ADAMTSL1: variants seen among roughly 807,000 people sequenced by gnomAD.
The protein encoded by ADAMTSL1 is ADAMTS like 1.
Under a neutral mutation model 201.8 loss-of-function variants are expected in ADAMTSL1, and 126 were observed. The ratio of observed to expected loss-of-function variants is 0.62; its 90% CI spans 0.54 to 0.72. ADAMTSL1 has a LOEUF of 0.72. ADAMTSL1 is among the 30% of genes least tolerant of loss of function. The probability of loss-of-function intolerance (pLI) is 0.00; values close to 1 mark genes in which losing one functional copy is unlikely to be tolerated. For synonymous variants in ADAMTSL1, 1,121 were observed against 903.4 expected, an observed-to-expected ratio of 1.24 and a Z score of -4.32; for missense variants, 2,679 against 2,277.8, an observed-to-expected ratio of 1.18 and a Z score of -3.59.
intron 2 of ADAMTSL1, among the ~76,000 whole-genome samples, chr9:18,301,540 T>G (rs1189154785): frequency 6.6e-6 from 1 of 152,186 alleles, no homozygotes; most frequent in South Asian, 2.1e-4. Flanking sequence ...ACAACAATAA[T>G]TAATGAAATA....
intron 2 of ADAMTSL1, among the ~76,000 whole-genome samples, chr9:18,433,730 C>G (rs1248405888): frequency 6.6e-6 from 1 of 152,160 alleles, no homozygotes; most frequent in Non-Finnish European, 1.5e-5. Context: ...TAACTACTGG[C>G]TGCAATCTAA....
chr9:18,596,814 A>G (rs910678496), intron 4 of ADAMTSL1, among the ~76,000 whole-genome samples: 2 of 152,240 alleles, frequency 1.3e-5, no homozygotes, highest in Admixed American at 1.3e-4. Context: ...ATGGGAACAT[A>G]CAGAAGAAGT....
intron 13 of ADAMTSL1, among the ~76,000 whole-genome samples, chr9:18,699,262 T>A (rs1481018967): frequency 6.6e-6 from 1 of 152,124 alleles, no homozygotes; most frequent in Non-Finnish European, 1.5e-5. Flanking sequence ...AAAGTCTGTT[T>A]GTTACTTGGA....
At chr9:18,804,247 A>ATGGCAAAGAAGTAGTACAGCTTTTG (rs1343236861) in intron 20 of ADAMTSL1, among the ~76,000 whole-genome samples, 1 of 152,200 alleles carries the variant, frequency 6.6e-6, no homozygotes, top group Non-Finnish European at 1.5e-5. Context: ...GGAAGACTAG[A>ATGGCAAAGAAGTAGTACAGCTTTTG]TGGCAAAGAA....
chr9:18,634,830 T>G (rs1256583869), intron 5 of ADAMTSL1, among the ~76,000 whole-genome samples: 3 of 143,228 alleles, frequency 2.1e-5, no homozygotes, highest in Non-Finnish European at 3.0e-5. Flanking sequence ...CAGAGCGAGA[T>G]TCCTCAAAAA....
At chr9:18,687,504 C>T (rs1830908189) in intron 13 of ADAMTSL1, among the ~76,000 whole-genome samples, 1 of 152,192 alleles carries the variant, frequency 6.6e-6, no homozygotes, top group African/African-American at 2.4e-5. Context: ...TGGTCCACAA[C>T]TATTATCTCT....
chr9:18,793,185 C>T (rs533243117), intron 19 of ADAMTSL1: 1 of 152,352 alleles, frequency 6.6e-6, no homozygotes. Flanking sequence ...CCCCATTTTA[C>T]TAGAGCTGCC....
intron 1 of ADAMTSL1, among the ~76,000 whole-genome samples, chr9:18,021,519 A>G (rs915579184): frequency 6.6e-6 from 1 of 152,148 alleles, no homozygotes; most frequent in Non-Finnish European, 1.5e-5. Context: ...TGAAACATCT[A>G]TCCTTAAATC....
intron 2 of ADAMTSL1, among the ~76,000 whole-genome samples, chr9:18,419,143 A>G (rs1164831463): frequency 6.6e-6 from 1 of 152,214 alleles, no homozygotes; most frequent in African/African-American, 2.4e-5. Context: ...ACATGCAAAA[A>G]CAAATAAAGC....
intron 1 of ADAMTSL1, among the ~76,000 whole-genome samples, chr9:18,130,857 A>C (rs1290948522): frequency 6.6e-6 from 1 of 152,140 alleles, no homozygotes; most frequent in African/African-American, 2.4e-5. Context: ...AGGGCAGTCC[A>C]CCAGTGGTTT....
intron 4 of ADAMTSL1, among the ~76,000 whole-genome samples, chr9:18,621,070 G>A (rs961426122): frequency 5.9e-5 from 9 of 152,124 alleles, no homozygotes; most frequent in Admixed American, 5.2e-4. Flanking sequence ...GAACTGTGAG[G>A]ACTTTATGAA....
chr9:18,559,460 T>C (rs1421722942), intron 3 of ADAMTSL1, among the ~76,000 whole-genome samples: 1 of 152,220 alleles, frequency 6.6e-6, no homozygotes, highest in African/African-American at 2.4e-5. Flanking sequence ...AGCTTTGTTC[T>C]TTTTGCTTAG....
chr9:18,714,492 C>A (rs886077977), intron 14 of ADAMTSL1, among the ~76,000 whole-genome samples: 144 of 152,068 alleles, frequency 9.5e-4, no homozygotes, highest in Non-Finnish European at 1.7e-3. Flanking sequence ...ACTAGAAAAT[C>A]TAGAAGAAAT....
At chr9:18,155,435 T>G (rs1827110497) in intron 1 of ADAMTSL1, among the ~76,000 whole-genome samples, 1 of 152,036 alleles carries the variant, frequency 6.6e-6, no homozygotes, top group Non-Finnish European at 1.5e-5. Context: ...TTCTGATCAT[T>G]ACTTCAAAAC....
At chr9:18,530,367 A>G (rs1394061400) in intron 2 of ADAMTSL1, among the ~76,000 whole-genome samples, 1 of 152,188 alleles carries the variant, frequency 6.6e-6, no homozygotes, top group Non-Finnish European at 1.5e-5. Context: ...GATGAAAAAC[A>G]TATACTATTA....
chr9:18,430,853 C>G (rs900742253), intron 2 of ADAMTSL1, among the ~76,000 whole-genome samples: 2 of 152,200 alleles, frequency 1.3e-5, no homozygotes, highest in African/African-American at 4.8e-5. Context: ...ATTGTAAGTA[C>G]TTTTAATTGG....
intron 3 of ADAMTSL1, among the ~76,000 whole-genome samples, chr9:18,552,240 T>C (rs756144759): frequency 3.3e-5 from 5 of 151,892 alleles, no homozygotes; most frequent in Non-Finnish European, 7.4e-5. Context: ...TTAAAATAAA[T>C]ACAGCTTTAG....
chr9:18,853,002 A>T (rs1468044898), intron 23 of ADAMTSL1, among the ~76,000 whole-genome samples: 1 of 152,126 alleles, frequency 6.6e-6, no homozygotes, highest in Non-Finnish European at 1.5e-5. Context: ...CAGTTTCCTT[A>T]CTTGTTCTTT....
At chr9:18,683,973 A>G (rs1010075235) in intron 12 of ADAMTSL1, among the ~76,000 whole-genome samples, 2 of 152,208 alleles carry the variant, frequency 1.3e-5, no homozygotes, top group Non-Finnish European at 2.9e-5. Context: ...ATCCCCATAA[A>G]TGACCCTAAT....
Sources: allele counts gnomAD v4.1 joint callset (sites outside exome capture counted in the v4.1 genomes callset), GRCh38; gene constraint gnomAD v4.1.1; transcripts MANE v1.5; gene names NCBI Gene and HGNC (gene_info 2026-07-23, HGNC 2026-07-21).